FRMD4A: variants seen among roughly 807,000 people sequenced by gnomAD.
FRMD4A encodes FERM domain containing 4A.
In FRMD4A, 29 loss-of-function variants were observed where a neutral mutation model predicts 129.1. That is an observed-to-expected ratio of 0.22 (90% CI 0.17 to 0.31). The LOEUF is 0.31. FRMD4A is among the 10% of genes least tolerant of loss of function. The pLI is 1.00. For synonymous variants in FRMD4A, 634 were observed against 571.6 expected, an observed-to-expected ratio of 1.11 and a Z score of -1.56; for missense variants, 1,272 against 1,375.8, an observed-to-expected ratio of 0.92 and a Z score of 1.19.
chr10:13,653,272 G>A (rs570897882), intron 23 of FRMD4A: 1 of 152,130 alleles, frequency 6.6e-6, no homozygotes, highest in Non-Finnish European at 1.5e-5. Flanking sequence ...CTAGCACTTT[G>A]GGAAGCTGAG....
intron 2 of FRMD4A, among the ~76,000 whole-genome samples, chr10:14,184,125 CTTTTTTTTTT>C (rs58858936): frequency 3.1e-5 from 2 of 64,640 alleles, no homozygotes; most frequent in Non-Finnish European, 5.6e-5. Context: ...CTTTTCTTTT[CTTTTTTTTTT>C]TTTTTTTTTT....
intron 2 of FRMD4A, among the ~76,000 whole-genome samples, chr10:13,977,679 C>G (rs2095546731): frequency 6.6e-6 from 1 of 152,204 alleles, no homozygotes; most frequent in African/African-American, 2.4e-5. Context: ...CTTCATTCCC[C>G]CTAGCTACTG....
intron 2 of FRMD4A, among the ~76,000 whole-genome samples, chr10:14,113,598 G>T (rs1490804143): frequency 6.6e-6 from 1 of 152,080 alleles, no homozygotes; most frequent in Non-Finnish European, 1.5e-5. Flanking sequence ...TGACTGAAAG[G>T]GGTATCAATG....
chr10:14,041,660 C>T (rs1369497171), intron 2 of FRMD4A, among the ~76,000 whole-genome samples: 1 of 152,132 alleles, frequency 6.6e-6, no homozygotes, highest in Non-Finnish European at 1.5e-5. Context: ...TCCAAATGTT[C>T]ATCAGAGGTA....
intron 2 of FRMD4A, among the ~76,000 whole-genome samples, chr10:14,283,307 TTG>T (rs1845581955): frequency 6.6e-6 from 1 of 152,228 alleles, no homozygotes. Flanking sequence ...TCTGCCAGTT[TTG>T]TGGTTGTTAA....
chr10:13,663,699 T>C (rs1035105111), intron 18 of FRMD4A, among the ~76,000 whole-genome samples, 190 bp from the exon 19 acceptor site: 1 of 152,132 alleles, frequency 6.6e-6, no homozygotes, highest in African/African-American at 2.4e-5. Context: ...TGGCTCAGCC[T>C]CCCCACCCCG....
At chr10:13,955,709 C>G (rs1019888397) in intron 2 of FRMD4A, among the ~76,000 whole-genome samples, 4 of 152,220 alleles carry the variant, frequency 2.6e-5, no homozygotes, top group Admixed American at 1.3e-4. Context: ...CAGTGCCCTG[C>G]CGGGGTCTAC....
At chr10:13,696,097 T>A (rs1304783365) in intron 14 of FRMD4A, among the ~76,000 whole-genome samples, 2 of 152,178 alleles carry the variant, frequency 1.3e-5, no homozygotes, top group East Asian at 3.9e-4. Flanking sequence ...AACCTCAACT[T>A]TTTTCCTTGC....
Position 13,890,559 on chromosome 10 carries a change from G to A in FRMD4A, c.46-31647C>T, listed in dbSNP as rs1401054009. On this transcript the variant is annotated intron_variant, in intron 2 of 24. Transcript: ENST00000357447. Reference sequence around the variant, plus strand: ...AGATGTATTCCCGATAGAACAGGCTGTCACCACTGACCAGCTCAGACTTAG... The same window carrying A: ...AGATGTATTCCCGATAGAACAGGCTATCACCACTGACCAGCTCAGACTTAG... 4.1e-6 allele frequency: 4 copies of A among 982,898 alleles called. No homozygotes were observed. The African/African-American group carries it at 7.0e-5, about 17-fold the overall frequency. The allele number at this position is 982,898 out of a possible 1,614,324, so 60.9% of individuals were successfully genotyped here. A position where few individuals can be genotyped will look rare whatever the true frequency, so the allele number is the denominator to read the frequency against.
At chr10:14,172,955 G>A (rs1841551096) in intron 2 of FRMD4A, among the ~76,000 whole-genome samples, 1 of 152,162 alleles carries the variant, frequency 6.6e-6, no homozygotes. Flanking sequence ...CGCAAAGGAT[G>A]GGGTGTCTTC....
chr10:14,008,200 G>A (rs1393304357), intron 2 of FRMD4A: 2 of 1,222,750 alleles, frequency 1.6e-6, no homozygotes, highest in African/African-American at 1.5e-5. Flanking sequence ...GTGTGTGTGT[G>A]TGTGTGTGTG....
At chr10:14,197,287 G>A (rs1842499803) in intron 2 of FRMD4A, among the ~76,000 whole-genome samples, 2 of 152,138 alleles carry the variant, frequency 1.3e-5, no homozygotes, top group South Asian at 4.1e-4. Flanking sequence ...ACTTTTAAGG[G>A]CAAAAGGAGA....
intron 2 of FRMD4A, among the ~76,000 whole-genome samples, chr10:14,248,693 G>T (rs1418102996): frequency 1.3e-5 from 2 of 152,204 alleles, no homozygotes; most frequent in African/African-American, 2.4e-5. Context: ...CACAGGGTTT[G>T]TTTACAATGG....
intron 2 of FRMD4A, among the ~76,000 whole-genome samples, chr10:14,005,324 T>A (rs2095658542): frequency 1.3e-5 from 2 of 152,018 alleles, no homozygotes; most frequent in Admixed American, 6.5e-5. Flanking sequence ...ACCCAGTCCA[T>A]TTTATATTTC....
intron 2 of FRMD4A, among the ~76,000 whole-genome samples, chr10:14,005,779 T>C (rs1473455437): frequency 6.6e-6 from 1 of 152,146 alleles, no homozygotes; most frequent in Non-Finnish European, 1.5e-5. Context: ...TATATTCCCA[T>C]AAAGAAGATT....
chr10:14,088,284 T>A (rs1251702965), intron 2 of FRMD4A, among the ~76,000 whole-genome samples: 1 of 151,524 alleles, frequency 6.6e-6, no homozygotes, highest in African/African-American at 2.4e-5. Context: ...CTGTCTCTAT[T>A]TAAAAAACGA....
At chr10:14,112,670 TG>T (rs1367571464) in intron 2 of FRMD4A, among the ~76,000 whole-genome samples, 1 of 152,088 alleles carries the variant, frequency 6.6e-6, no homozygotes, top group African/African-American at 2.4e-5. Context: ...GGATTATAGG[TG>T]TCTGCCACCA....
intron 2 of FRMD4A, among the ~76,000 whole-genome samples, chr10:14,043,589 G>C (rs1833868251): frequency 2.0e-5 from 3 of 152,080 alleles, no homozygotes; most frequent in Admixed American, 2.0e-4. Context: ...GGATTTCTCT[G>C]TTTCCTTTGG....
chr10:13,921,489 G>T (rs2095072742), intron 2 of FRMD4A, among the ~76,000 whole-genome samples: 1 of 152,068 alleles, frequency 6.6e-6, no homozygotes, highest in African/African-American at 2.4e-5. Context: ...TCAAACTCCT[G>T]GGCTAAAGTG....
Sources: gnomAD v4.1 joint callset for allele counts (sites outside exome capture counted in the v4.1 genomes callset) on GRCh38, gnomAD v4.1.1 for gene constraint, MANE v1.5 for transcripts, NCBI Gene and HGNC (gene_info 2026-07-23, HGNC 2026-07-21) for gene names.